Variants in GRID1 observed in about 807,000 individuals in gnomAD.
GRID1 encodes the protein glutamate ionotropic receptor delta type subunit 1, also known as glutamate receptor ionotropic, delta-1.
GRID1 carries 28 observed loss-of-function variants against 98.0 expected under a neutral mutation model. That is an observed-to-expected ratio of 0.29 (90% CI 0.21 to 0.39). The LOEUF (loss-of-function observed/expected upper bound fraction) is 0.39. GRID1 is among the 10% of genes least tolerant of loss of function. The probability of loss-of-function intolerance (pLI) is 1.00; values close to 1 mark genes in which losing one functional copy is unlikely to be tolerated. For missense variants in GRID1, 1,111 were observed against 1,340.5 expected, an observed-to-expected ratio of 0.83 and a Z score of 2.67; for synonymous variants, 553 against 538.5, an observed-to-expected ratio of 1.03 and a Z score of -0.37.
intron 2 of GRID1, among the ~76,000 whole-genome samples, chr10:86,240,576 T>C (rs1417364901): frequency 7.0e-6 from 1 of 142,876 alleles, no homozygotes; most frequent in Non-Finnish European, 1.5e-5. Context: ...GGCCCACCTC[T>C]TGGGTGGGTG....
chr10:86,251,340 CAATA>C (rs1481967000), intron 2 of GRID1, among the ~76,000 whole-genome samples: 1 of 129,752 alleles, frequency 7.7e-6, no homozygotes, highest in East Asian at 2.9e-4. Flanking sequence ...CAAGAATGAT[CAATA>C]AATACTAAAA....
At chr10:86,178,595 G>A (rs532267605) in intron 3 of GRID1, among the ~76,000 whole-genome samples, 2 of 152,218 alleles carry the variant, frequency 1.3e-5, no homozygotes, top group Non-Finnish European at 2.9e-5. Context: ...CAGATGACCA[G>A]CAGGCGGCTC....
chr10:85,939,911 C>CA (rs1355299961), intron 4 of GRID1, among the ~76,000 whole-genome samples: 1 of 151,682 alleles, frequency 6.6e-6, no homozygotes, highest in Admixed American at 6.6e-5. Context: ...ACTAAAAATA[C>CA]AAAAAATTAG....
intron 5 of GRID1, 24 bp from the exon 6 acceptor site, chr10:85,869,204 C>CT: frequency 6.2e-7 from 1 of 1,604,612 alleles, no homozygotes; most frequent in Non-Finnish European, 8.5e-7. Context: ...CAGGCCCATG[C>CT]TTACCATCCA....
chr10:86,099,423 T>C (rs888017582), intron 4 of GRID1, among the ~76,000 whole-genome samples: 1 of 151,858 alleles, frequency 6.6e-6, no homozygotes, highest in Non-Finnish European at 1.5e-5. Context: ...AACACACCAC[T>C]ACAAGAAAAT....
At chr10:85,882,277 A>G (rs1335279540) in intron 5 of GRID1, among the ~76,000 whole-genome samples, 1 of 152,230 alleles carries the variant, frequency 6.6e-6, no homozygotes, top group Non-Finnish European at 1.5e-5. Context: ...TACTGGATAT[A>G]TACCCAAAGG....
intron 3 of GRID1, among the ~76,000 whole-genome samples, chr10:86,179,672 C>T (rs556457395): frequency 3.0e-4 from 45 of 152,312 alleles, no homozygotes; most frequent in East Asian, 1.7e-3. Context: ...AACATCTGTA[C>T]GAACCTCAGG....
intron 4 of GRID1, among the ~76,000 whole-genome samples, chr10:85,972,367 G>A (rs543915832): frequency 1.4e-4 from 21 of 150,604 alleles, no homozygotes; most frequent in South Asian, 6.3e-4. Context: ...TGGGAAGAGC[G>A]TAATTTCCCA....
chr10:85,849,416 G>A (rs1360411512), intron 8 of GRID1, among the ~76,000 whole-genome samples: 1 of 152,164 alleles, frequency 6.6e-6, no homozygotes, highest in Non-Finnish European at 1.5e-5. Context: ...GTTAGAAGAA[G>A]CGTCTTAAAC....
intron 4 of GRID1, among the ~76,000 whole-genome samples, chr10:86,084,840 C>G (rs1423454049): frequency 6.6e-6 from 1 of 151,852 alleles, no homozygotes; most frequent in Non-Finnish European, 1.5e-5. Context: ...TTCACAGAGA[C>G]AGAAAGTAGA....
In GRID1 at chr10:86,301,589, T is replaced by C. The variant is rs539610029; in HGVS notation, c.235+62352A>G. Among the ~76,000 whole-genome samples the C allele has an allele frequency of 3.3e-5, 5 of 152,152 alleles. No individual in the cohort carries two copies. The South Asian group carries it at 6.2e-4, about 19-fold the overall frequency. On this transcript the variant is annotated intron_variant, in intron 2 of 15. Transcript: ENST00000327946. Reference sequence around the variant, plus strand: ...TGGACCCTTGGCCACAAGGAACTGTTCCAACCTTGTATCCCCACCTTCCCA... The same window carrying C: ...TGGACCCTTGGCCACAAGGAACTGTCCCAACCTTGTATCCCCACCTTCCCA...
chr10:86,042,048 C>A (rs1843353801), intron 4 of GRID1, among the ~76,000 whole-genome samples: 1 of 152,188 alleles, frequency 6.6e-6, no homozygotes, highest in Non-Finnish European at 1.5e-5. Flanking sequence ...TCCCAACCAC[C>A]AAGCTGAAAG....
At chr10:86,011,880 G>A (rs929158762) in intron 4 of GRID1, among the ~76,000 whole-genome samples, 5 of 152,218 alleles carry the variant, frequency 3.3e-5, no homozygotes, top group Admixed American at 6.5e-5. Flanking sequence ...TATGTCGGCC[G>A]GGCATGAGGG....
At chr10:86,106,943 T>C (rs1286451696) in intron 4 of GRID1, among the ~76,000 whole-genome samples, 2 of 152,094 alleles carry the variant, frequency 1.3e-5, no homozygotes, top group African/African-American at 4.8e-5. Context: ...GAGGTGAAGT[T>C]CTACGAGAGA....
At chr10:86,002,405 T>C (rs1372341749) in intron 4 of GRID1, among the ~76,000 whole-genome samples, 1 of 152,230 alleles carries the variant, frequency 6.6e-6, no homozygotes, top group African/African-American at 2.4e-5. Context: ...CCCTGAGTTG[T>C]ATGTTTTCCT....
chr10:85,853,984 G>A (rs998321263), intron 8 of GRID1, among the ~76,000 whole-genome samples: 1 of 152,200 alleles, frequency 6.6e-6, no homozygotes, highest in African/African-American at 2.4e-5. Flanking sequence ...CTCAGTCTGA[G>A]TTGTTCAACT....
At chr10:86,138,666 C>A (rs577978286) in intron 4 of GRID1, among the ~76,000 whole-genome samples, 153 bp downstream of exon 4, 1 of 152,212 alleles carries the variant, frequency 6.6e-6, no homozygotes, top group Middle Eastern at 3.2e-3. Context: ...GAGAATCCCC[C>A]CTTACAGGCT....
At chr10:86,348,151 G>A (rs1013129795) in intron 2 of GRID1, among the ~76,000 whole-genome samples, 2 of 152,214 alleles carry the variant, frequency 1.3e-5, no homozygotes, top group Admixed American at 6.5e-5. Flanking sequence ...GTCCTCGTGT[G>A]TACTTGTCAG....
intron 2 of GRID1, among the ~76,000 whole-genome samples, chr10:86,218,175 C>CGT (rs1846203240): frequency 6.6e-6 from 1 of 151,928 alleles, no homozygotes; most frequent in African/African-American, 2.4e-5. Flanking sequence ...TGCTTGTGCG[C>CGT]GTGTGTGTGT....
Sources: gnomAD v4.1 joint callset for allele counts (sites outside exome capture counted in the v4.1 genomes callset) on GRCh38, gnomAD v4.1.1 for gene constraint, MANE v1.5 for transcripts, NCBI Gene and HGNC (gene_info 2026-07-23, HGNC 2026-07-21) for gene names.